NOSIP: variants seen among roughly 807,000 people sequenced by gnomAD.
NOSIP encodes the protein nitric oxide synthase interacting protein, also known as nitric oxide synthase-interacting protein.
Under a neutral mutation model 36.4 loss-of-function variants are expected in NOSIP, and 25 were observed. The observed-to-expected ratio is 0.69, with a 90% CI of 0.50 to 0.96. NOSIP has a LOEUF of 0.96. Among genes scored for constraint, NOSIP ranks in the 40% least tolerant of loss-of-function variants. The pLI is 0.00. For synonymous variants in NOSIP, 187 were observed against 179.2 expected (o/e 1.04, Z -0.35); for missense variants, 370 against 429.0 (o/e 0.86, Z 1.21).
rs377181535 is a variant in NOSIP, at chr19:49,560,597, G to T, written c.70+25C>A. On this transcript the variant is annotated intron_variant, in intron 2 of 8. Transcript: ENST00000596358. The surrounding 1 kb of genome is among the most constrained non-coding windows in gnomAD (Gnocchi z 4.6). ...TGACTCCAAGACACAGCCATGTCCC[G>T]CCTCTTCCCACCCCAGCCCTGCACC... 1 of 1,555,060 alleles carries T rather than the reference G, an allele frequency of 6.4e-7. No homozygotes were observed. Among genetic ancestry groups the T allele is most frequent in the Non-Finnish European group, 8.7e-7 (1 of 1,143,220 alleles).
intron 1 of NOSIP, among the ~76,000 whole-genome samples, chr19:49,574,921 G>T (rs145430655): frequency 4.7e-5 from 7 of 148,260 alleles, no homozygotes; most frequent in Non-Finnish European, 7.4e-5. Context: ...GGAGTGCAGT[G>T]GCGTGATCTC....
Position 49,565,105 on chromosome 19 carries a change from G to A in NOSIP, c.-1-4413C>T, listed in dbSNP as rs538927162. 2.6e-5 allele frequency among the ~76,000 whole-genome samples: 4 copies of A among 152,126 alleles called. No individual in the cohort carries two copies. The East Asian group carries it at 5.8e-4, about 22-fold the overall frequency. ...AGCCTGAGCAACATAGCAAAACCTT[G>A]TCACTACAAAACATAGAAAAATTAG... On this transcript the variant is annotated intron_variant, in intron 1 of 8. Coordinates refer to ENST00000596358, the MANE Select transcript of NOSIP (RefSeq NM_001270960.2).
chr19:49,575,991 C>G (rs570542313), intron 1 of NOSIP, among the ~76,000 whole-genome samples: 5 of 152,146 alleles, frequency 3.3e-5, no homozygotes, highest in Admixed American at 1.3e-4. Context: ...CAAAATTAGC[C>G]GGGCGTGGTG....
Position 49,560,102 on chromosome 19 carries a change from A to G in NOSIP, c.71-63T>C. ...GCAACAGGAGACATGTCCGTCTCCA[A>G]AGCCCCAGAGAGAGGCACAGAGACA... is the stretch of plus-strand genomic sequence containing the variant. On this transcript the variant is annotated intron_variant, in intron 2 of 8. Transcript: ENST00000596358. The surrounding 1 kb of genome is among the most constrained non-coding windows in gnomAD (Gnocchi z 4.6). 1 of 1,155,220 alleles carries G rather than the reference A, an allele frequency of 8.7e-7. No homozygotes were observed. The highest frequency in any genetic ancestry group is 1.3e-6 in the Non-Finnish European group (1 of 788,448). 71.6% of individuals were successfully genotyped at this position (1,155,220 alleles called of 1,614,324 possible).
rs2122800284 is a variant in NOSIP, at chr19:49,560,633, T to C, written c.59A>G (p.Lys20Arg). 2 of 1,592,316 alleles carry C rather than the reference T, an allele frequency of 1.3e-6. No individual in the cohort carries two copies. Among genetic ancestry groups the C allele is most frequent in the Middle Eastern group, 1.7e-4 (1 of 6,042 alleles). The change falls in exon 2 of 9, where the codon AAG becomes AGG. Residue 20 changes from lysine to arginine, a missense_variant. Around this residue, in one of 3 missense-constraint regions of NOSIP, gnomAD observed 37 missense variants for 60.2 expected, o/e 0.61. Transcript: ENST00000596358. This position sits in a 1 kb window ranked among gnomAD's most constrained non-coding sequence, Gnocchi z 4.6. ...CCCCAGCCCTGCACCTGTGTCCTTCTTCTTCTCGTGGTAGGTGTAGACGGC... is the reference window on the plus strand; with the variant it reads ...CCCCAGCCCTGCACCTGTGTCCTTCCTCTTCTCGTGGTAGGTGTAGACGGC... ...AGAVYTYHEK[K>R]KDTAASGYGT...
In NOSIP at chr19:49,556,872, C is replaced by A. The variant is rs60259512; in HGVS notation, c.537+3G>T. ...TGCGTGCCGGGGCGCTGTGGGGGCTCACCGGCTTCTCCAGCTTGGTGGCCT... is the reference window on the plus strand; with the variant it reads ...TGCGTGCCGGGGCGCTGTGGGGGCTAACCGGCTTCTCCAGCTTGGTGGCCT... On this transcript the variant is annotated splice_donor_region_variant and intron_variant, in intron 6 of 8. Coordinates refer to ENST00000596358, the MANE Select transcript of NOSIP (RefSeq NM_001270960.2). The A allele has an allele frequency of 1.0e-3, 1,660 of 1,611,976 alleles. 23 individuals are homozygous for A. The African/African-American group carries it at 0.02, about 19-fold the overall frequency.
Position 49,560,074 on chromosome 19 carries a change from G to A in NOSIP, c.71-35C>T, listed in dbSNP as rs757270984. ...GAGATGGGCAGAGTGATGGAGGGGC[G>A]GAGCAACAGGAGACATGTCCGTCTC... On this transcript the variant is annotated intron_variant, in intron 2 of 8. Transcript: ENST00000596358. This position sits in a 1 kb window ranked among gnomAD's most constrained non-coding sequence, Gnocchi z 4.6. 53 of 1,399,172 alleles carry A rather than the reference G, an allele frequency of 3.8e-5. No homozygotes were observed. Among genetic ancestry groups the A allele is most frequent in the African/African-American group, 5.7e-5 (4 of 70,750 alleles). 86.7% of individuals were successfully genotyped at this position (1,399,172 alleles called of 1,614,324 possible).
chr19:49,559,956 G>T lies in NOSIP; in HGVS notation c.154C>A (p.Pro52Thr). Residue 52 changes from proline (P) to threonine (T), a missense_variant, in exon 3 of 9, where the codon CCT (proline) becomes ACT (threonine). This residue lies in a region of NOSIP where 315 missense variants were observed against 331.9 expected (regional missense o/e 0.95). Coordinates refer to ENST00000596358, the MANE Select transcript of NOSIP (RefSeq NM_001270960.2). ...CACGTGACAACAGGATCGTGGCAAG[G>T]CTGCAGGGAGAGACAACAGCAGTCG... ...DFDCCCLSLQ[P>T]CHDPVVTPDG... 1 of 1,613,436 alleles carries T rather than the reference G, an allele frequency of 6.2e-7. No homozygotes were observed. Among genetic ancestry groups the T allele is most frequent in the Non-Finnish European group, 8.5e-7 (1 of 1,179,506 alleles).
chr19:49,570,243 C>T (rs964777702), intron 1 of NOSIP, among the ~76,000 whole-genome samples: 2 of 152,126 alleles, frequency 1.3e-5, no homozygotes, highest in African/African-American at 4.8e-5. Flanking sequence ...GGGTGGGGAG[C>T]ACAACCAAGG....
At chr19:49,559,353 CA>C in intron 3 of NOSIP, 1 of 195,940 alleles carries the variant, frequency 5.1e-6, no homozygotes, top group Middle Eastern at 2.3e-3. Context: ...CCCCTCTCTA[CA>C]AAAAACAAAC....
At chr19:49,559,001 GAA>G in intron 3 of NOSIP, 23 bp from the exon 4 acceptor site, 1 of 1,594,946 alleles carries the variant, frequency 6.3e-7, no homozygotes. Flanking sequence ...GGTGCAATGA[GAA>G]AGAAAGAAAG....
chr19:49,561,883 T>TAAAA lies in NOSIP; in HGVS notation c.-1-1195_-1-1192dup, dbSNP rs35018027. 2.3e-5 allele frequency among the ~76,000 whole-genome samples: 3 copies of TAAAA among 130,004 alleles called. No homozygotes were observed. In the South Asian group the frequency reaches 7.2e-4, roughly 31 times the overall value. 85.3% of individuals were successfully genotyped at this position (130,004 alleles called of 152,430 possible). A position where few individuals can be genotyped will look rare whatever the true frequency, so the allele number is the denominator to read the frequency against. On this transcript the variant is annotated intron_variant, in intron 1 of 8. Coordinates refer to ENST00000596358, the MANE Select transcript of NOSIP (RefSeq NM_001270960.2). ...AGACAGAGCAAGGCTCTGTCACAAT[T>TAAAA]AAAAAAAAAAAAAAAAAGACATTGC...
intron 1 of NOSIP, among the ~76,000 whole-genome samples, chr19:49,570,279 C>T (rs1237722905): frequency 1.3e-5 from 2 of 152,072 alleles, no homozygotes; most frequent in Non-Finnish European, 2.9e-5. Flanking sequence ...AAAGCAACTT[C>T]ATCTCTATCG....
At chr19:49,563,137 C>G (rs1599752527) in intron 1 of NOSIP, among the ~76,000 whole-genome samples, 1 of 151,998 alleles carries the variant, frequency 6.6e-6, no homozygotes, top group East Asian at 1.9e-4. Flanking sequence ...CGTTCCACTT[C>G]CCTCTCTGCC....
At chr19:49,575,527 G>T (rs1436643496) in intron 1 of NOSIP, among the ~76,000 whole-genome samples, 1 of 152,174 alleles carries the variant, frequency 6.6e-6, no homozygotes, top group Admixed American at 6.5e-5. Flanking sequence ...GACCAGCTCT[G>T]AAGTAATCAC....
chr19:49,557,915 G>A, intron 4 of NOSIP: 1 of 987,502 alleles, frequency 1.0e-6, no homozygotes, highest in South Asian at 4.7e-5. Flanking sequence ...CCACCAGGCT[G>A]TGTGGAGGAC....
At chr19:49,574,082 T>C (rs146506884) in intron 1 of NOSIP, among the ~76,000 whole-genome samples, 43 of 152,026 alleles carry the variant, frequency 2.8e-4, no homozygotes, top group Non-Finnish European at 4.7e-4. Context: ...GGCTGGGTCT[T>C]GAACTCCTGA....
chr19:49,572,267 G>A (rs577927145), intron 1 of NOSIP, among the ~76,000 whole-genome samples: 47 of 148,934 alleles, frequency 3.2e-4, no homozygotes, highest in African/African-American at 1.1e-3. Flanking sequence ...CACCATGCCT[G>A]GCTAATTTTT....
rs2379086 is a variant in NOSIP at position 49,574,615 on chromosome 19, G to T, written c.-2+5900C>A. The stretch of plus-strand genomic sequence containing the variant: ...CCTATTTTCTCCAGTTCCTGAGGCT[G>T]GAAGTCTAAGTTCAGGCTACCAGCA... On this transcript the variant is annotated intron_variant, in intron 1 of 8. Coordinates refer to ENST00000596358, the MANE Select transcript of NOSIP (RefSeq NM_001270960.2). Among the ~76,000 whole-genome samples, 1,374 of 152,248 alleles carry T rather than the reference G, an allele frequency of 9.0e-3. 15 individuals carry two copies. The highest frequency in any genetic ancestry group is 0.036 in the East Asian group (184 of 5,182).
Sources: allele counts gnomAD v4.1 joint callset (sites outside exome capture counted in the v4.1 genomes callset), GRCh38; gene constraint gnomAD v4.1.1; regional missense constraint gnomAD v4.1.1; non-coding constraint Gnocchi (gnomAD v3.1); transcripts MANE v1.5; gene names NCBI Gene and HGNC (gene_info 2026-07-23, HGNC 2026-07-21).